FHAD1: variants seen among roughly 807,000 people sequenced by gnomAD.
FHAD1 encodes forkhead associated phosphopeptide binding domain 1.
FHAD1 carries 146 observed loss-of-function variants against 191.3 expected under a neutral mutation model. The observed-to-expected ratio is 0.76, with a 90% confidence interval of 0.67 to 0.88. FHAD1 has a LOEUF of 0.88. Ranked by LOEUF, FHAD1 falls within the 40% of genes least tolerant of loss-of-function variation. The pLI, the probability that FHAD1 is intolerant of heterozygous loss-of-function variation, is 0.00. For missense variants in FHAD1, 1,635 were observed against 1,785.8 expected (o/e 0.92, Z 1.52); for synonymous variants, 616 against 672.3 (o/e 0.92, Z 1.29).
chr1:15,245,172 G>T (rs781418608), upstream of FHAD1, among the ~76,000 whole-genome samples: 5 of 152,156 alleles, frequency 3.3e-5, no homozygotes, highest in African/African-American at 1.2e-4. Context: ...AGCACCTCCC[G>T]CCAGGCCCCA....
intron 33 of FHAD1, among the ~76,000 whole-genome samples, chr1:15,395,199 A>G (rs1250995484): frequency 1.3e-5 from 2 of 150,774 alleles, no homozygotes; most frequent in South Asian, 2.1e-4. Context: ...CTGTTGTCCC[A>G]GGTACTCGGG....
At chr1:15,244,263 G>A (rs1159941773), upstream of FHAD1, among the ~76,000 whole-genome samples, 1 of 152,178 alleles carries the variant, frequency 6.6e-6, no homozygotes, top group Non-Finnish European at 1.5e-5. This position sits in a 1 kb window ranked among gnomAD's most constrained non-coding sequence, Gnocchi z 5.1. Flanking sequence ...AGGGACAGAG[G>A]ATCCAATTAA....
intron 28 of FHAD1, among the ~76,000 whole-genome samples, chr1:15,376,085 A>ATTTT (rs1406696311): frequency 3.1e-4 from 39 of 125,390 alleles, no homozygotes; most frequent in South Asian, 7.0e-4. Flanking sequence ...TTATTTTTTT[A>ATTTT]TTTATTTTTT....
chr1:15,371,254 C>T (rs890927667), intron 26 of FHAD1, among the ~76,000 whole-genome samples: 9 of 152,210 alleles, frequency 5.9e-5, no homozygotes, highest in Non-Finnish European at 1.3e-4. Context: ...GGGTCCCGCC[C>T]ACACCAAACG....
chr1:15,304,169 A>G (rs1197045439), intron 6 of FHAD1, among the ~76,000 whole-genome samples: 1 of 152,238 alleles, frequency 6.6e-6, no homozygotes, highest in Non-Finnish European at 1.5e-5. Flanking sequence ...GATCTGATAC[A>G]ATACCCCAAG....
Position 15,358,139 on chromosome 1 carries a change from C to A in FHAD1, c.2592C>A (p.Asp864Glu). Reference sequence around the variant, plus strand: ...TAGAATTAAAAGAGCAAAAAGAGGACGTTTTAAATAATAAATTAAGTGACG... The same window carrying A: ...TAGAATTAAAAGAGCAAAAAGAGGAAGTTTTAAATAATAAATTAAGTGACG... ...EELELKEQKE[D>E]VLNNKLSDAL... is the part of the protein sequence containing the mutation. The change falls in exon 21 of 34, where the codon GAC becomes GAA. Residue 864 changes from aspartate to glutamate, a missense_variant. Asp to Glu is a conservative substitution (Grantham distance 45, BLOSUM62 2). Transcript: ENST00000688493. 3 of 1,511,332 alleles carry A rather than the reference C, an allele frequency of 2.0e-6. No individual in the cohort carries two copies. Among genetic ancestry groups the A allele is most frequent in the South Asian group, 1.3e-5 (1 of 76,544 alleles). The allele number at this position is 1,511,332 out of a possible 1,614,324, so 93.6% of individuals were successfully genotyped here. A position where few individuals can be genotyped will look rare whatever the true frequency, so the allele number is the denominator to read the frequency against.
intron 27 of FHAD1, 67 bp downstream of exon 27, chr1:15,374,698 G>GT: frequency 6.5e-7 from 1 of 1,532,088 alleles, no homozygotes; most frequent in African/African-American, 1.4e-5. Context: ...GGACTGACCA[G>GT]TTTGCCAGGA....
chr1:15,362,948 C>T (rs897219856), intron 23 of FHAD1, among the ~76,000 whole-genome samples: 4 of 152,230 alleles, frequency 2.6e-5, no homozygotes, highest in African/African-American at 9.6e-5. Flanking sequence ...CCCAGTGCTG[C>T]TTCCACTTCC....
chr1:15,257,244 C>G (rs1463980591), intron 2 of FHAD1, among the ~76,000 whole-genome samples: 1 of 152,220 alleles, frequency 6.6e-6, no homozygotes, highest in Non-Finnish European at 1.5e-5. Context: ...GGTCAGTTCC[C>G]CACCAACAGT....
At chr1:15,364,062 C>G (rs1384044966) in intron 23 of FHAD1, 9 of 313,440 alleles carry the variant, frequency 2.9e-5, no homozygotes, top group Non-Finnish European at 5.0e-5. Context: ...CTCAGCACCA[C>G]CCAGCTCTGC....
chr1:15,248,397 C>CT (rs35333314), intron 1 of FHAD1, among the ~76,000 whole-genome samples: 44,272 of 151,884 alleles, frequency 0.29, 7,498 homozygotes, highest in Non-Finnish European at 0.39. Context: ...GCACTGTGAG[C>CT]TCATGTTTGC....
chr1:15,245,987 A>G (rs775227014), upstream of FHAD1, among the ~76,000 whole-genome samples: 11 of 152,236 alleles, frequency 7.2e-5, no homozygotes, highest in Non-Finnish European at 1.5e-4. Context: ...TCACACTGCT[A>G]TAAAGTAATT....
intron 21 of FHAD1, among the ~76,000 whole-genome samples, chr1:15,359,593 A>AT (rs1377115696): frequency 6.6e-6 from 1 of 152,076 alleles, no homozygotes; most frequent in Non-Finnish European, 1.5e-5. Context: ...CACACCTGTA[A>AT]TCTCAGCACT....
chr1:15,317,642 G>A (rs528019526), intron 9 of FHAD1, among the ~76,000 whole-genome samples, 182 bp from the exon 10 acceptor site: 3 of 152,300 alleles, frequency 2.0e-5, no homozygotes, highest in Admixed American at 2.0e-4. Context: ...GAAAAATAAA[G>A]TCTATTTTGC....
chr1:15,347,362 G>T (rs1164887522), intron 18 of FHAD1, among the ~76,000 whole-genome samples: 1 of 152,248 alleles, frequency 6.6e-6, no homozygotes, highest in Non-Finnish European at 1.5e-5. Flanking sequence ...CCCCGCGTCT[G>T]TTAAAATGTC....
intron 19 of FHAD1, among the ~76,000 whole-genome samples, chr1:15,351,828 G>A (rs1398262785): frequency 6.6e-6 from 1 of 151,802 alleles, no homozygotes; most frequent in East Asian, 1.9e-4. Flanking sequence ...ATGTGGTTGA[G>A]GGGGGTGCCT....
chr1:15,248,283 A>C (rs907202087), intron 1 of FHAD1, among the ~76,000 whole-genome samples: 3 of 152,182 alleles, frequency 2.0e-5, no homozygotes, highest in African/African-American at 7.2e-5. Context: ...AGATTTTTAC[A>C]CTACTTGCAA....
intron 2 of FHAD1, among the ~76,000 whole-genome samples, chr1:15,259,359 G>T (rs1649899337): frequency 6.6e-6 from 1 of 152,162 alleles, no homozygotes; most frequent in Non-Finnish European, 1.5e-5. Flanking sequence ...CTCATGTAAA[G>T]ATGTGGAAAT....
chr1:15,264,600 T>C (rs758067292), intron 2 of FHAD1, among the ~76,000 whole-genome samples: 3 of 151,776 alleles, frequency 2.0e-5, no homozygotes, highest in African/African-American at 4.8e-5. Context: ...TTTCTACATA[T>C]AAAAATCATG....
Sources: allele counts gnomAD v4.1 joint callset (sites outside exome capture counted in the v4.1 genomes callset), GRCh38; gene constraint gnomAD v4.1.1; non-coding constraint Gnocchi (gnomAD v3.1); transcripts MANE v1.5; gene names NCBI Gene and HGNC (gene_info 2026-07-23, HGNC 2026-07-21).